NBPF12: variants seen among roughly 807,000 people sequenced by gnomAD.
NBPF12 encodes NBPF family member NBPF12.
NBPF12 carries 115 observed loss-of-function variants against 146.4 expected under a neutral mutation model. That is an observed-to-expected ratio of 0.79 (90% CI 0.68 to 0.92). NBPF12 has a LOEUF of 0.92. Ranked by LOEUF, NBPF12 falls within the 40% of genes least tolerant of loss-of-function variation. NBPF12 has a pLI of 0.00. For missense variants in NBPF12, 1,205 were observed against 1,326.8 expected, an observed-to-expected ratio of 0.91 and a Z score of 1.43; for synonymous variants, 385 against 508.9, an observed-to-expected ratio of 0.76 and a Z score of 3.28.
chr1:146,963,066 G>A (rs1212786026), intron 5 of NBPF12, 29 bp from the exon 9 acceptor site: 1 of 1,607,812 alleles, frequency 6.2e-7, no homozygotes, highest in East Asian at 2.2e-5. Context: ...GCTTTTCACT[G>A]TTAAATTTTC....
intron 9 of NBPF12, among the ~76,000 whole-genome samples, chr1:146,967,138 C>T (rs1317759025): frequency 0.014 from 2,126 of 150,718 alleles, 40 homozygotes; most frequent in Non-Finnish European, 0.024. Context: ...AGCCAGTACC[C>T]GCTCTGAGGG....
At chr1:146,970,856 A>G (rs1293789153) in intron 12 of NBPF12, 137 bp downstream of exon 15, 39 of 1,006,780 alleles carry the variant, frequency 3.9e-5, no homozygotes, top group Non-Finnish European at 6.0e-5. Flanking sequence ...AACCCAGCTT[A>G]GACACAGGGT....
chr1:146,949,450 TTTCA>T (rs1434713535), intron 1 of NBPF12, 28 bp downstream of exon 4: 3 of 131,646 alleles, frequency 2.3e-5, no homozygotes, highest in African/African-American at 9.1e-5. Context: ...ACTGTAGTTC[TTTCA>T]TTGATTGGTC....
At chr1:146,941,736 A>C (rs1472551803) in intron 1 of NBPF12, among the ~76,000 whole-genome samples, 345 of 140,530 alleles carry the variant, frequency 2.5e-3, no homozygotes, top group Non-Finnish European at 3.9e-3. Context: ...CCTGGTTGAC[A>C]GAGCAAGACT....
At chr1:146,996,197 C>T (rs1398506353), downstream of NBPF12, 1 of 121,378 alleles carries the variant, frequency 8.2e-6, no homozygotes, top group Non-Finnish European at 1.7e-5. Flanking sequence ...ATTTCATTTC[C>T]ATGTTTATTT....
intron 1 of NBPF12, among the ~76,000 whole-genome samples, chr1:146,941,011 G>A (rs1405706791): frequency 1.2e-4 from 18 of 152,084 alleles, no homozygotes; most frequent in African/African-American, 4.3e-4. Flanking sequence ...TATATGGATT[G>A]CATTTCTCTT....
intron 1 of NBPF12, among the ~76,000 whole-genome samples, chr1:146,950,067 G>A (rs1310367163): frequency 0.01 from 1,589 of 152,178 alleles, 50 homozygotes; most frequent in African/African-American, 0.036. Flanking sequence ...TTAGAGACAA[G>A]GGTGTGGCAT....
intron 19 of NBPF12, among the ~76,000 whole-genome samples, chr1:146,982,556 T>G (rs1434107093): frequency 2.0e-5 from 3 of 152,038 alleles, no homozygotes; most frequent in Non-Finnish European, 2.9e-5. Context: ...TGTGTCTGCA[T>G]TGGGTCAAGA....
chr1:146,963,042 A>T, intron 5 of NBPF12, 53 bp from the exon 9 acceptor site: 1 of 1,607,606 alleles, frequency 6.2e-7, no homozygotes. Context: ...CAATATTTGA[A>T]CGGATCACTC....
rs1657663734 is a variant in NBPF12 at position 146,984,998 on chromosome 1, C to G, written c.2839+13C>G. On this transcript the variant is annotated intron_variant, in intron 22 of 33. Coordinates refer to ENST00000617844, the Ensembl canonical transcript of NBPF12. ...GTTGACATGGATGGTGAGTACCTTTCTATGAAGGTGATAAGGATCCACTGA... is the reference window on the plus strand; with the variant it reads ...GTTGACATGGATGGTGAGTACCTTTGTATGAAGGTGATAAGGATCCACTGA... 4.3e-6 allele frequency: 5 copies of G among 1,165,116 alleles called. No individual in the cohort carries two copies. In the Admixed American group the frequency reaches 6.8e-5, roughly 16 times the overall value. The allele number at this position is 1,165,116 out of a possible 1,614,324, so 72.2% of individuals were successfully genotyped here.
At chr1:146,968,711 G>A (rs1236147269) in intron 10 of NBPF12, among the ~76,000 whole-genome samples, 161 bp downstream of exon 13, 1 of 151,552 alleles carries the variant, frequency 6.6e-6, no homozygotes, top group Admixed American at 6.6e-5. Flanking sequence ...AGAGAAGAAG[G>A]ATAATAAAAA....
intron 19 of NBPF12, among the ~76,000 whole-genome samples, chr1:146,981,056 T>C (rs1458043964): frequency 1.5e-5 from 2 of 137,760 alleles, no homozygotes; most frequent in East Asian, 4.3e-4. Flanking sequence ...CGCATGTTCT[T>C]ACTCACAGGT....
In NBPF12 at chr1:146,970,744, G is replaced by A. The variant is rs1553886276; in HGVS notation, c.1379+25G>A. 429 of 1,309,752 alleles carry A rather than the reference G, an allele frequency of 3.3e-4. 1 individual carries two copies. The highest frequency in any genetic ancestry group is 5.7e-4 in the Admixed American group (34 of 59,632). The allele number at this position is 1,309,752 out of a possible 1,614,324, so 81.1% of individuals were successfully genotyped here. ...GGTGACACTGAATACTCAGGAGCAAGTAATGGGTGTTAACATATGAAAATG... is the reference window on the plus strand; with the variant it reads ...GGTGACACTGAATACTCAGGAGCAAATAATGGGTGTTAACATATGAAAATG... On this transcript the variant is annotated intron_variant, in intron 12 of 33. Transcript: ENST00000617844.
At chr1:146,964,659 C>G (rs1198187628) in intron 7 of NBPF12, among the ~76,000 whole-genome samples, 1 of 151,958 alleles carries the variant, frequency 6.6e-6, no homozygotes, top group African/African-American at 2.4e-5. Flanking sequence ...TCCTCCTCAG[C>G]TCCTATCTGT....
chr1:146,964,251 C>T, intron 6 of NBPF12, 106 bp from the exon 10 acceptor site: 3 of 1,523,126 alleles, frequency 2.0e-6, no homozygotes, highest in Non-Finnish European at 2.7e-6. Context: ...GTTTTCAGTA[C>T]AATGCTGAAC....
At chr1:146,964,299 G>A (rs1656051447) in intron 6 of NBPF12, 58 bp from the exon 10 acceptor site, 1 of 1,594,554 alleles carries the variant, frequency 6.3e-7, no homozygotes, top group South Asian at 1.1e-5. Flanking sequence ...ACGTTGGGCT[G>A]ACTGTGCTTG....
At chr1:146,981,364 AG>A (rs1470455599) in intron 19 of NBPF12, among the ~76,000 whole-genome samples, 2 of 149,474 alleles carry the variant, frequency 1.3e-5, no homozygotes, top group Non-Finnish European at 3.0e-5. Context: ...GGAAAAAAAA[AG>A]AATGTTGAAT....
chr1:146,972,666 A>C, intron 13 of NBPF12, 85 bp from the exon 17 acceptor site: 1 of 1,107,360 alleles, frequency 9.0e-7, no homozygotes, highest in Non-Finnish European at 1.4e-6. Flanking sequence ...AGACAAGGCT[A>C]CCAGTGACAT....
intron 21 of NBPF12, 62 bp from the exon 25 acceptor site, chr1:146,984,751 G>C (rs1657641898): frequency 1.1e-5 from 9 of 821,016 alleles, no homozygotes; most frequent in East Asian, 2.4e-5. Context: ...ATGAAATCTA[G>C]CTGGGGCTGT....
Sources: allele counts gnomAD v4.1 joint callset (sites outside exome capture counted in the v4.1 genomes callset), GRCh38; gene constraint gnomAD v4.1.1; transcripts MANE v1.5; gene names NCBI Gene and HGNC (gene_info 2026-07-23, HGNC 2026-07-21).